The following TMEM114 variants were observed in gnomAD, a reference collection of about 807,000 sequenced individuals.
TMEM114 encodes the protein transmembrane protein 114.
A neutral mutation model predicts 6.2 loss-of-function variants in TMEM114; 6 were observed. That is an observed-to-expected ratio of 0.97 (90% CI 0.53 to 1.91). The LOEUF is 1.91. TMEM114 is among the 40% of genes most tolerant of loss of function. The pLI is 0.01. For synonymous variants in TMEM114, 104 were observed against 73.0 expected (o/e 1.42, Z -2.16); for missense variants, 218 against 158.3 (o/e 1.38, Z -2.02).
intron 2 of TMEM114, among the ~76,000 whole-genome samples, chr16:8,584,031 T>C (rs931566999): frequency 2.0e-5 from 3 of 152,192 alleles, no homozygotes; most frequent in Admixed American, 6.5e-5. Context: ...TGTGGTCCAG[T>C]GGAAAACCTA....
intron 2 of TMEM114, among the ~76,000 whole-genome samples, chr16:8,562,468 G>C (rs1315928893): frequency 3.3e-5 from 5 of 150,592 alleles, no homozygotes; most frequent in Non-Finnish European, 5.9e-5. Flanking sequence ...GAGGGAGGGA[G>C]GGAATGAGTG....
At chr16:8,554,079 A>G (rs1281666471) in intron 2 of TMEM114, among the ~76,000 whole-genome samples, 1 of 151,918 alleles carries the variant, frequency 6.6e-6, no homozygotes, top group African/African-American at 2.4e-5. Context: ...GGGTTTCACC[A>G]TGTTGCCCAG....
At chr16:8,562,722 G>A (rs1427621376) in intron 2 of TMEM114, among the ~76,000 whole-genome samples, 3 of 151,684 alleles carry the variant, frequency 2.0e-5, no homozygotes, top group Non-Finnish European at 1.5e-5. Context: ...GTGAGTGAGG[G>A]AGGGAGGGAA....
chr16:8,589,931 C>T lies in TMEM114; in HGVS notation c.-93G>A, dbSNP rs901343909. On this transcript the variant is annotated 5_prime_UTR_variant, in exon 1 of 4. Coordinates refer to ENST00000620492, the MANE Select transcript of TMEM114 (RefSeq NM_001146336.2). ...GTCCCCAGCCGGCCACCGCGGGCTC[C>T]CAGCTCCACCGCCGCCAGAGCCGCG... is the stretch of plus-strand genomic sequence containing the variant. 4.1e-4 allele frequency: 158 copies of T among 389,596 alleles called. No individual in the cohort carries two copies. Among genetic ancestry groups the T allele is most frequent in the African/African-American group, 2.9e-3 (140 of 48,222 alleles). 24.1% of individuals were successfully genotyped at this position (389,596 alleles called of 1,614,324 possible).
downstream of TMEM114, among the ~76,000 whole-genome samples, chr16:8,569,083 C>T (rs531115532): frequency 4.6e-5 from 7 of 152,310 alleles, no homozygotes; most frequent in Admixed American, 1.3e-4. Context: ...CCCATAGAGT[C>T]TGGGGCGCGC....
At chr16:8,531,450 T>C in the TMEM114 span, among the ~76,000 whole-genome samples, 1 of 152,226 alleles carries the variant, frequency 6.6e-6, no homozygotes, top group Non-Finnish European at 1.5e-5. Flanking sequence ...ATGGCCACGT[T>C]TGAAACTGCT....
downstream of TMEM114, among the ~76,000 whole-genome samples, chr16:8,565,547 A>G (rs1055223797): frequency 1.7e-4 from 26 of 152,092 alleles, no homozygotes; most frequent in Non-Finnish European, 3.4e-4. Flanking sequence ...TTACCTTCTC[A>G]TGAGTATAAA....
intron 2 of TMEM114, among the ~76,000 whole-genome samples, chr16:8,584,838 C>A (rs1055581514): frequency 8.2e-5 from 12 of 146,914 alleles, no homozygotes; most frequent in African/African-American, 3.0e-4. Context: ...AGAAGAATTG[C>A]TTAAATCCAG....
intron 2 of TMEM114, among the ~76,000 whole-genome samples, chr16:8,582,417 C>T (rs934019399): frequency 1.3e-5 from 2 of 152,246 alleles, no homozygotes; most frequent in African/African-American, 4.8e-5. Flanking sequence ...ACCTGCTGTT[C>T]TGTCTCGTAA....
chr16:8,534,147 C>T (rs1900289689), downstream of TMEM114, among the ~76,000 whole-genome samples: 3 of 152,232 alleles, frequency 2.0e-5, no homozygotes, highest in South Asian at 6.2e-4. Flanking sequence ...TTTTAAAGGC[C>T]AAAGTGCTAC....
At chr16:8,539,848 C>T (rs570852941) in intron 2 of TMEM114, among the ~76,000 whole-genome samples, 148 of 152,236 alleles carry the variant, frequency 9.7e-4, no homozygotes, top group Non-Finnish European at 1.6e-3. Flanking sequence ...CACAGAGTCT[C>T]GCTCTGCCAC....
intron 2 of TMEM114, among the ~76,000 whole-genome samples, chr16:8,580,890 C>G (rs570761022): frequency 6.6e-6 from 1 of 152,168 alleles, no homozygotes; most frequent in African/African-American, 2.4e-5. Context: ...CAGCGTTTCA[C>G]CATGTTGCCC....
In TMEM114 at chr16:8,589,665, C is replaced by T; in HGVS notation, c.174G>A (p.Gln58=). The change falls in exon 1 of 4, where the codon CAG becomes CAA. Residue 58 remains glutamine (Q), a synonymous_variant. Coordinates refer to ENST00000620492, the MANE Select transcript of TMEM114 (RefSeq NM_001146336.2). ...CGGAGTGGGAGCTCAGAGGCTCGGG[C>T]TGGCTGCGATTGATGGACCCCAGCA... The part of the protein sequence containing the change: ...QDLLGSINRS[Q]PEPLSSHSGL... 2.5e-6 allele frequency: 1 copy of T among 398,586 alleles called. No homozygotes were observed. Among genetic ancestry groups the T allele is most frequent in the Non-Finnish European group, 4.4e-6 (1 of 226,044 alleles). The allele number at this position is 398,586 out of a possible 1,614,324, so 24.7% of individuals were successfully genotyped here. A position where few individuals can be genotyped will look rare whatever the true frequency, so the allele number is the denominator to read the frequency against.
At chr16:8,554,358 C>T (rs550780964) in intron 2 of TMEM114, among the ~76,000 whole-genome samples, 1 of 152,076 alleles carries the variant, frequency 6.6e-6, no homozygotes, top group African/African-American at 2.4e-5. Context: ...GAGTTCAAGA[C>T]TGCAGTGATC....
At chr16:8,579,810 A>T (rs534495430) in intron 2 of TMEM114, among the ~76,000 whole-genome samples, 24 of 152,272 alleles carry the variant, frequency 1.6e-4, no homozygotes, top group African/African-American at 5.5e-4. Context: ...CCAAGAGCCA[A>T]TGGCCATGAA....
downstream of TMEM114, among the ~76,000 whole-genome samples, chr16:8,534,279 G>A (rs950545031): frequency 1.3e-5 from 2 of 151,832 alleles, no homozygotes; most frequent in Non-Finnish European, 2.9e-5. Context: ...GGCGACCGGA[G>A]GACTCGCTTA....
intron 3 of TMEM114, among the ~76,000 whole-genome samples, chr16:8,570,854 C>G (rs560746913): frequency 1.8e-4 from 27 of 152,312 alleles, no homozygotes; most frequent in African/African-American, 5.5e-4. Flanking sequence ...GTTAACAGCT[C>G]AGTCCCCCAT....
chr16:8,552,763 C>G (rs1389238101), intron 2 of TMEM114, among the ~76,000 whole-genome samples: 1 of 151,856 alleles, frequency 6.6e-6, no homozygotes, highest in Non-Finnish European at 1.5e-5. Context: ...CCTGAATTCT[C>G]TAACTCAGGG....
chr16:8,584,467 G>A (rs1396627636), intron 2 of TMEM114, among the ~76,000 whole-genome samples: 2 of 152,170 alleles, frequency 1.3e-5, no homozygotes, highest in Non-Finnish European at 2.9e-5. Context: ...GGATTTTGCT[G>A]ACAAGGAACC....
Sources: allele counts gnomAD v4.1 joint callset (sites outside exome capture counted in the v4.1 genomes callset), GRCh38; gene constraint gnomAD v4.1.1; transcripts MANE v1.5; gene names NCBI Gene and HGNC (gene_info 2026-07-23, HGNC 2026-07-21).